Variants in TLE4 observed in about 807,000 individuals in gnomAD.
TLE4 encodes TLE family member 4, transcriptional corepressor, also known as transducin-like enhancer protein 4.
A neutral mutation model predicts 92.8 loss-of-function variants in TLE4; 8 were observed. That is an observed-to-expected ratio of 0.09 (90% CI 0.05 to 0.16). The LOEUF is 0.16. Ranked by LOEUF, TLE4 falls within the 10% of genes least tolerant of loss-of-function variation. TLE4 has a pLI of 1.00. For synonymous variants in TLE4, 371 were observed against 374.1 expected, an observed-to-expected ratio of 0.99 and a Z score of 0.10; for missense variants, 675 against 997.6, an observed-to-expected ratio of 0.68 and a Z score of 4.36.
intron 14 of TLE4, among the ~76,000 whole-genome samples, chr9:79,716,084 G>A (rs1345101432): frequency 1.3e-5 from 2 of 152,148 alleles, no homozygotes; most frequent in South Asian, 2.1e-4. Flanking sequence ...ATTTGAAGAC[G>A]TTAACTGAAT....
intron 5 of TLE4, among the ~76,000 whole-genome samples, chr9:79,619,217 A>G (rs1325880757): frequency 6.6e-6 from 1 of 152,012 alleles, no homozygotes; most frequent in African/African-American, 2.4e-5. Flanking sequence ...CGATACATAA[A>G]CTCCTGTTTT....
intron 6 of TLE4, among the ~76,000 whole-genome samples, chr9:79,641,247 T>C (rs776441211): frequency 6.6e-6 from 1 of 151,852 alleles, no homozygotes; most frequent in Non-Finnish European, 1.5e-5. Context: ...GAAAAACATC[T>C]GTTCATCAAA....
At chr9:79,605,308 A>C (rs1457722358) in intron 4 of TLE4, among the ~76,000 whole-genome samples, 1 of 152,240 alleles carries the variant, frequency 6.6e-6, no homozygotes, top group Non-Finnish European at 1.5e-5. Context: ...AGAACTGAGT[A>C]TAACCGTGGT....
chr9:79,724,321 C>T (rs967758509), intron 19 of TLE4, among the ~76,000 whole-genome samples: 1 of 152,002 alleles, frequency 6.6e-6, no homozygotes, highest in African/African-American at 2.4e-5. Flanking sequence ...TGACCTGTGC[C>T]GTGTTCCACA....
intron 8 of TLE4, among the ~76,000 whole-genome samples, chr9:79,684,519 A>C (rs1222840563): frequency 6.6e-6 from 1 of 151,812 alleles, no homozygotes; most frequent in Non-Finnish European, 1.5e-5. Flanking sequence ...TAGGTTGTAC[A>C]CTTCTTATGA....
chr9:79,643,388 A>G (rs1362782861), intron 6 of TLE4, among the ~76,000 whole-genome samples: 5 of 152,220 alleles, frequency 3.3e-5, no homozygotes, highest in African/African-American at 1.2e-4. Context: ...ACATTCCTAT[A>G]CCAGTGTGAC....
intron 8 of TLE4, among the ~76,000 whole-genome samples, chr9:79,697,957 T>C (rs2068716384): frequency 6.6e-6 from 1 of 152,178 alleles, no homozygotes; most frequent in African/African-American, 2.4e-5. Flanking sequence ...TTTCTGTACT[T>C]AGTGGGTTAA....
At chr9:79,607,740 CT>C (rs2047411436) in intron 4 of TLE4, among the ~76,000 whole-genome samples, 1 of 120,204 alleles carries the variant, frequency 8.3e-6, no homozygotes, top group African/African-American at 3.5e-5. Flanking sequence ...GTCTATATCT[CT>C]GTTTTGGTAC....
At chr9:79,648,331 C>T (rs1404843723) in intron 6 of TLE4, among the ~76,000 whole-genome samples, 3 of 152,140 alleles carry the variant, frequency 2.0e-5, no homozygotes, top group African/African-American at 7.2e-5. Flanking sequence ...CTCACAGTCT[C>T]TGGCAAGTCA....
intron 19 of TLE4, among the ~76,000 whole-genome samples, chr9:79,723,317 C>T (rs1182546047): frequency 6.6e-6 from 1 of 151,946 alleles, no homozygotes; most frequent in Non-Finnish European, 1.5e-5. Flanking sequence ...GGTTTTATGT[C>T]TTCTGAGAAT....
At chr9:79,616,618 CTA>C (rs771202034) in intron 5 of TLE4, among the ~76,000 whole-genome samples, 3 of 152,146 alleles carry the variant, frequency 2.0e-5, no homozygotes, top group African/African-American at 4.8e-5. Context: ...AGCTAAAAAT[CTA>C]TGTTTTTGTT....
chr9:79,639,180 A>G (rs528119834), intron 6 of TLE4, among the ~76,000 whole-genome samples: 16 of 152,138 alleles, frequency 1.1e-4, no homozygotes, highest in Non-Finnish European at 2.1e-4. Context: ...CACATGAATC[A>G]GGGACCCAGA....
intron 4 of TLE4, among the ~76,000 whole-genome samples, chr9:79,609,424 A>AT (rs1255815076): frequency 6.6e-6 from 1 of 151,902 alleles, no homozygotes; most frequent in Non-Finnish European, 1.5e-5. Flanking sequence ...TATTTTATTT[A>AT]TTTTTTTGTT....
intron 4 of TLE4, 76 bp downstream of exon 4, chr9:79,576,253 A>G: frequency 8.6e-7 from 1 of 1,165,430 alleles, no homozygotes; most frequent in Non-Finnish European, 1.2e-6. Context: ...TATGTTTTGC[A>G]GTTTTATTCT....
At chr9:79,592,330 C>T (rs545199036) in intron 4 of TLE4, among the ~76,000 whole-genome samples, 2 of 145,122 alleles carry the variant, frequency 1.4e-5, no homozygotes, top group South Asian at 4.3e-4. Context: ...GGCTGGAGTG[C>T]AGTGGCGTGA....
At chr9:79,652,963 T>G in intron 7 of TLE4, 169 bp downstream of exon 7, 1 of 817,178 alleles carries the variant, frequency 1.2e-6, no homozygotes, top group Non-Finnish European at 2.1e-6. Context: ...CCAAATGATA[T>G]TCTAGTGGTT....
intron 6 of TLE4, among the ~76,000 whole-genome samples, chr9:79,630,274 T>C (rs948574790): frequency 6.6e-6 from 1 of 152,198 alleles, no homozygotes; most frequent in African/African-American, 2.4e-5. Context: ...AATGCTGAAG[T>C]GATCCCGTAA....
At position 79,725,310 on chromosome 9, in the gene TLE4, T is replaced by C; in HGVS notation, c.*166T>C. The C allele has an allele frequency of 1.9e-6, 1 of 535,948 alleles. No individual in the cohort carries two copies. Among genetic ancestry groups the C allele is most frequent in the South Asian group, 2.2e-5 (1 of 44,774 alleles). The allele number at this position is 535,948 out of a possible 1,614,324, so 33.2% of individuals were successfully genotyped here. On this transcript the variant is annotated 3_prime_UTR_variant, in exon 20 of 20. Transcript: ENST00000376552. ...ACCTCACTTCCCACTTGCTATTGAA[T>C]TGTGAATAGTCATTAAAAACCTGTG...
chr9:79,632,781 T>C (rs1316886961), intron 6 of TLE4, among the ~76,000 whole-genome samples: 1 of 152,230 alleles, frequency 6.6e-6, no homozygotes, highest in East Asian at 1.9e-4. Flanking sequence ...AAAATAGATT[T>C]ATCAGAGATT....
Sources: gnomAD v4.1 joint callset for allele counts (sites outside exome capture counted in the v4.1 genomes callset) on GRCh38, gnomAD v4.1.1 for gene constraint, MANE v1.5 for transcripts, NCBI Gene and HGNC (gene_info 2026-07-23, HGNC 2026-07-21) for gene names.